DNAH11: variants seen among roughly 807,000 people sequenced by gnomAD.
DNAH11 encodes the protein axonemal beta dynein heavy chain 11.
Under a neutral mutation model 526.0 loss-of-function variants are expected in DNAH11, and 442 were observed. The observed-to-expected ratio is 0.84, with a 90% CI of 0.78 to 0.91. DNAH11 has a LOEUF of 0.91. DNAH11 is among the 40% of genes least tolerant of loss of function. DNAH11 has a pLI of 0.00. For missense variants in DNAH11, 6,989 were observed against 5,448.7 expected, an observed-to-expected ratio of 1.28 and a Z score of -8.90; for synonymous variants, 2,461 against 1,935.9, an observed-to-expected ratio of 1.27 and a Z score of -7.12.
At chr7:21,874,317 A>C (rs1219727696) in intron 74 of DNAH11, among the ~76,000 whole-genome samples, 1 of 112,332 alleles carries the variant, frequency 8.9e-6, no homozygotes, top group Non-Finnish European at 1.9e-5. Context: ...AGACAAATGA[A>C]TACTTACATG....
chr7:21,758,690 T>C (rs542417104), intron 54 of DNAH11, among the ~76,000 whole-genome samples: 15 of 152,372 alleles, frequency 9.8e-5, no homozygotes, highest in African/African-American at 2.9e-4. Flanking sequence ...AGTAGAAGTC[T>C]TTCCATTATT....
Position 21,638,941 on chromosome 7 carries a change from T to C in DNAH11, c.4820T>C (p.Leu1607Pro). The change falls in exon 28 of 82, where the codon CTT becomes CCT. Residue 1607 changes from leucine to proline, a missense_variant and splice_region_variant. By Grantham distance (98) the Leu-to-Pro change is moderately conservative. Coordinates refer to ENST00000409508, the MANE Select transcript of DNAH11 (RefSeq NM_001277115.2). The stretch of plus-strand genomic sequence containing the variant: ...AAAAACATTTTTCATTCATGTAGGC[T>C]TTCTCTTTGTGAAAAAGCTCTCGCT... ...YEKLKDLQSR[L>P]SLCEKALAEY... is the part of the protein sequence containing the mutation. The C allele has an allele frequency of 6.2e-7, 1 of 1,605,910 alleles. No homozygotes were observed. Among genetic ancestry groups the C allele is most frequent in the Middle Eastern group, 1.7e-4 (1 of 6,006 alleles).
At chr7:21,750,100 A>G in intron 53 of DNAH11, 122 bp from the exon 54 acceptor site, 1 of 1,309,550 alleles carries the variant, frequency 7.6e-7, no homozygotes, top group East Asian at 2.5e-5. Flanking sequence ...GACGTTTCTG[A>G]TTTTAAACTC....
At chr7:21,572,364 C>T (rs865898609) in intron 8 of DNAH11, among the ~76,000 whole-genome samples, 2 of 152,158 alleles carry the variant, frequency 1.3e-5, no homozygotes, top group Non-Finnish European at 2.9e-5. Flanking sequence ...TCACCCCAGT[C>T]ATTAAGTGTA....
At chr7:21,739,038 G>A (rs961848578) in intron 47 of DNAH11, among the ~76,000 whole-genome samples, 172 bp downstream of exon 47, 15 of 152,096 alleles carry the variant, frequency 9.9e-5, no homozygotes, top group African/African-American at 3.4e-4. Flanking sequence ...GGTTTGCTTT[G>A]TATCTCTTTT....
intron 30 of DNAH11, among the ~76,000 whole-genome samples, chr7:21,662,039 G>A (rs1001252310): frequency 6.6e-6 from 1 of 151,926 alleles, no homozygotes; most frequent in Admixed American, 6.6e-5. Flanking sequence ...GGCTGGTCTC[G>A]AACTCCTGAC....
chr7:21,626,085 T>C (rs1786316888), intron 25 of DNAH11, among the ~76,000 whole-genome samples: 1 of 152,206 alleles, frequency 6.6e-6, no homozygotes, highest in African/African-American at 2.4e-5. Flanking sequence ...AATTTTTCTC[T>C]TCTAGATCTT....
At chr7:21,597,141 G>T (rs977598166) in intron 14 of DNAH11, among the ~76,000 whole-genome samples, 5 of 152,254 alleles carry the variant, frequency 3.3e-5, no homozygotes, top group African/African-American at 4.8e-5. Flanking sequence ...GGGCCTGAGT[G>T]ATCATTCAGT....
chr7:21,665,760 C>T (rs1387882691), intron 30 of DNAH11, among the ~76,000 whole-genome samples: 2 of 152,062 alleles, frequency 1.3e-5, no homozygotes, highest in East Asian at 1.9e-4. Flanking sequence ...TAAAACACTT[C>T]TAGCATGAAT....
chr7:21,670,581 A>T (rs997690259), intron 30 of DNAH11, among the ~76,000 whole-genome samples: 4 of 152,046 alleles, frequency 2.6e-5, no homozygotes, highest in Non-Finnish European at 5.9e-5. Context: ...TGTTGAATAG[A>T]GGTAGTGAGA....
At chr7:21,564,890 C>T (rs973074012) in intron 6 of DNAH11, among the ~76,000 whole-genome samples, 3 of 148,192 alleles carry the variant, frequency 2.0e-5, no homozygotes, top group African/African-American at 5.1e-5. Context: ...ACTCAACCTG[C>T]AAAATGTTAA....
At chr7:21,650,326 A>T (rs1349673533) in intron 28 of DNAH11, among the ~76,000 whole-genome samples, 1 of 152,168 alleles carries the variant, frequency 6.6e-6, no homozygotes, top group Admixed American at 6.5e-5. Context: ...TCATTATTGA[A>T]CGTTTGACAA....
intron 57 of DNAH11, 87 bp downstream of exon 57, chr7:21,779,191 C>T (rs1406448483): frequency 1.4e-5 from 20 of 1,447,822 alleles, no homozygotes; most frequent in African/African-American, 5.7e-5. Context: ...ACAACTTCCT[C>T]TCCAGGGAGC....
chr7:21,722,666 C>G lies in DNAH11; in HGVS notation c.7266+1810C>G, dbSNP rs1435251470. Reference sequence around the variant, plus strand: ...TCCTTCTGTAATTTCCAAGTGCTTTCTAAAGATTAGCAGCCAATACTGTGT... The same window carrying G: ...TCCTTCTGTAATTTCCAAGTGCTTTGTAAAGATTAGCAGCCAATACTGTGT... On this transcript the variant is annotated intron_variant, in intron 44 of 81. Transcript: ENST00000409508. Among the ~76,000 whole-genome samples, 8 of 152,118 alleles carry G rather than the reference C, an allele frequency of 5.3e-5. No individual in the cohort carries two copies. The South Asian group carries it at 1.2e-3, about 24-fold the overall frequency.
intron 18 of DNAH11, 144 bp from the exon 19 acceptor site, chr7:21,606,282 C>T (rs1785276619): frequency 7.5e-6 from 5 of 666,942 alleles, no homozygotes; most frequent in Non-Finnish European, 1.3e-5. Flanking sequence ...GAGATCATGC[C>T]AGTGCACTCC....
In DNAH11 at chr7:21,901,458, C is replaced by T. The variant is rs1409286516; in HGVS notation, c.*204C>T. ...AGCGTGGTGGCACACGACTGTAATCCCAGTTACTCAGGAGGTAGGAGAATC... is the reference window on the plus strand; with the variant it reads ...AGCGTGGTGGCACACGACTGTAATCTCAGTTACTCAGGAGGTAGGAGAATC... On this transcript the variant is annotated 3_prime_UTR_variant, in exon 82 of 82. Coordinates refer to ENST00000409508, the MANE Select transcript of DNAH11 (RefSeq NM_001277115.2). The T allele has an allele frequency of 1.3e-5, 8 of 610,656 alleles. No homozygotes were observed. In the South Asian group the frequency reaches 4.2e-4, roughly 32 times the overall value. The allele number at this position is 610,656 out of a possible 1,614,324, so 37.8% of individuals were successfully genotyped here. A position where few individuals can be genotyped will look rare whatever the true frequency, so the allele number is the denominator to read the frequency against.
chr7:21,705,490 C>A lies in DNAH11; in HGVS notation c.6499C>A (p.Arg2167=). Residue 2167 remains arginine (R), a synonymous_variant, in exon 39 of 82, where the codon CGG becomes AGG. Transcript: ENST00000409508. ...CCAGCTTGAGGAACTGTTGGCTGTG[C>A]GGCACTCGGTCTTTGTAGTTGGAAA... ...VVQLEELLAV[R]HSVFVVGNAG... 2 of 1,613,574 alleles carry A rather than the reference C, an allele frequency of 1.2e-6. No individual in the cohort carries two copies. Among genetic ancestry groups the A allele is most frequent in the East Asian group, 2.2e-5 (1 of 44,874 alleles).
intron 14 of DNAH11, among the ~76,000 whole-genome samples, chr7:21,593,425 A>T (rs1784760978): frequency 6.6e-6 from 1 of 152,120 alleles, no homozygotes; most frequent in African/African-American, 2.4e-5. Context: ...CTGTGTGGCA[A>T]ACCAACAACT....
At chr7:21,769,726 C>G (rs1015061310) in intron 55 of DNAH11, among the ~76,000 whole-genome samples, 12 of 152,154 alleles carry the variant, frequency 7.9e-5, no homozygotes, top group Admixed American at 7.2e-4. Flanking sequence ...CTCGGGTTAT[C>G]TGCCTGCCTC....
Sources: allele counts gnomAD v4.1 joint callset (sites outside exome capture counted in the v4.1 genomes callset), GRCh38; gene constraint gnomAD v4.1.1; transcripts MANE v1.5; gene names NCBI Gene and HGNC (gene_info 2026-07-23, HGNC 2026-07-21).